The following NME7 variants were observed in gnomAD, a reference collection of about 807,000 sequenced individuals.
NME7 encodes the protein nucleoside diphosphate kinase 7.
In NME7, 41 loss-of-function variants were observed where a neutral mutation model predicts 49.1. The ratio of observed to expected loss-of-function variants is 0.83; its 90% CI spans 0.65 to 1.08. The LOEUF is 1.08. Ranked by LOEUF, NME7 falls within the 50% of genes least tolerant of loss-of-function variation. NME7 has a pLI of 0.00. For missense variants in NME7, 423 were observed against 463.4 expected (o/e 0.91, Z 0.80); for synonymous variants, 139 against 150.6 (o/e 0.92, Z 0.56).
intron 1 of NME7, among the ~76,000 whole-genome samples, chr1:169,349,355 G>C (rs977133681): frequency 1.3e-5 from 2 of 151,914 alleles, no homozygotes; most frequent in African/African-American, 4.8e-5. Flanking sequence ...AATCTGGGGT[G>C]GGGGGGTTAT....
rs1278243618 is a variant in NME7, at chr1:169,304,852, C to CA, written c.390-1658dup. ...TCTAGAGGGTAAAGAGAAAAACTCA[C>CA]AAAAAAAGAGATACGTATATACTGC... On this transcript the variant is annotated intron_variant, in intron 4 of 11. Transcript: ENST00000367811. Among the ~76,000 whole-genome samples, 3 of 151,674 alleles carry CA rather than the reference C, an allele frequency of 2.0e-5. No homozygotes were observed. In the East Asian group the frequency reaches 5.8e-4, roughly 29 times the overall value.
At chr1:169,202,404 G>A (rs1660576133) in intron 10 of NME7, among the ~76,000 whole-genome samples, 1 of 152,132 alleles carries the variant, frequency 6.6e-6, no homozygotes, top group Non-Finnish European at 1.5e-5. Flanking sequence ...GCCTGCTCTT[G>A]CTTTGCCTTT....
intron 8 of NME7, among the ~76,000 whole-genome samples, chr1:169,235,948 T>TA (rs1286134647): frequency 4.3e-5 from 6 of 137,958 alleles, no homozygotes; most frequent in Non-Finnish European, 1.0e-4. Context: ...CTTATTTTTT[T>TA]TAAAAAGTAG....
chr1:169,365,646 C>T (rs772070406), intron 1 of NME7, among the ~76,000 whole-genome samples: 1 of 152,038 alleles, frequency 6.6e-6, no homozygotes, highest in African/African-American at 2.4e-5. Context: ...CCATTCTAGA[C>T]ATTTTACTGT....
chr1:169,317,618 T>C (rs953571490), intron 3 of NME7, among the ~76,000 whole-genome samples: 3 of 152,146 alleles, frequency 2.0e-5, no homozygotes, highest in African/African-American at 7.2e-5. Flanking sequence ...CCACTGGTCC[T>C]AGGACAATAT....
At chr1:169,181,363 CTACA>C (rs1319838002) in intron 10 of NME7, among the ~76,000 whole-genome samples, 1 of 101,802 alleles carries the variant, frequency 9.8e-6, no homozygotes, top group African/African-American at 3.8e-5. Flanking sequence ...CCTCAAATTC[CTACA>C]CACACACACA....
At chr1:169,157,618 C>G (rs3766055) in intron 11 of NME7, among the ~76,000 whole-genome samples, 60,048 of 152,078 alleles carry the variant, frequency 0.39, 12,214 homozygotes, top group East Asian at 0.73. Context: ...GCTCCTTCCA[C>G]AGAAGCCACA....
At chr1:169,177,541 C>T (rs571594941) in intron 10 of NME7, among the ~76,000 whole-genome samples, 52 of 152,212 alleles carry the variant, frequency 3.4e-4, no homozygotes, top group Admixed American at 2.0e-3. Flanking sequence ...AACCCCAGCA[C>T]TTTGGGAGGC....
chr1:169,298,536 A>C lies in NME7; in HGVS notation c.648+20T>G. 1 of 1,607,906 alleles carries C rather than the reference A, an allele frequency of 6.2e-7. No homozygotes were observed. Among genetic ancestry groups the C allele is most frequent in the Non-Finnish European group, 8.5e-7 (1 of 1,177,372 alleles). On this transcript the variant is annotated intron_variant, in intron 6 of 11. Coordinates refer to ENST00000367811, the MANE Select transcript of NME7 (RefSeq NM_013330.5). Reference sequence around the variant, plus strand: ...TTAACAGAACTAGAAGAGCATTAAAATATTTTTAAAACACCTTACTCTGGC... The same window carrying C: ...TTAACAGAACTAGAAGAGCATTAAACTATTTTTAAAACACCTTACTCTGGC...
chr1:169,185,782 A>G (rs1260885671), intron 10 of NME7, among the ~76,000 whole-genome samples: 1 of 152,184 alleles, frequency 6.6e-6, no homozygotes, highest in East Asian at 1.9e-4. Context: ...TGCCAAGTAC[A>G]TAATAGGTGT....
At chr1:169,275,156 G>A (rs538959727) in intron 7 of NME7, among the ~76,000 whole-genome samples, 1 of 131,826 alleles carries the variant, frequency 7.6e-6, no homozygotes, top group East Asian at 2.0e-4. Context: ...GCAATGGTTT[G>A]TAGTTCTCCT....
intron 1 of NME7, among the ~76,000 whole-genome samples, chr1:169,363,221 G>A (rs918099476): frequency 1.3e-5 from 2 of 151,896 alleles, no homozygotes; most frequent in Non-Finnish European, 2.9e-5. Context: ...CTGGGTGACA[G>A]GGCAATATCC....
intron 10 of NME7, among the ~76,000 whole-genome samples, chr1:169,223,354 G>T (rs969641160): frequency 1.3e-5 from 2 of 150,036 alleles, no homozygotes; most frequent in African/African-American, 4.9e-5. Flanking sequence ...AATGTTAAGG[G>T]TTTTTTTTTA....
intron 7 of NME7, among the ~76,000 whole-genome samples, chr1:169,241,132 G>C (rs988425630): frequency 5.9e-5 from 9 of 152,046 alleles, no homozygotes; most frequent in African/African-American, 2.2e-4. Flanking sequence ...GGAGCTTTAT[G>C]TGTACTTCAC....
chr1:169,177,594 G>A (rs763811788), intron 10 of NME7, among the ~76,000 whole-genome samples: 7 of 152,002 alleles, frequency 4.6e-5, no homozygotes, highest in Admixed American at 1.3e-4. Flanking sequence ...CAAGATCATC[G>A]TGGCCAACAC....
In NME7 at chr1:169,319,931, T is replaced by C. The variant is rs918748372; in HGVS notation, c.278+3186A>G. Among the ~76,000 whole-genome samples the C allele has an allele frequency of 2.6e-5, 4 of 152,338 alleles. No homozygotes were observed. The East Asian group carries it at 5.8e-4, about 22-fold the overall frequency. On this transcript the variant is annotated intron_variant, in intron 3 of 11. Coordinates refer to ENST00000367811, the MANE Select transcript of NME7 (RefSeq NM_013330.5). ...TGGATTTTTAAATAGGATACTAGCA[T>C]TATTTTTCATTGATTTTTATAAACT...
intron 10 of NME7, among the ~76,000 whole-genome samples, chr1:169,202,526 C>T (rs906610334): frequency 1.3e-5 from 2 of 152,130 alleles, no homozygotes; most frequent in Non-Finnish European, 2.9e-5. Context: ...GTAAGAACAG[C>T]CTAACACAGT....
intron 10 of NME7, among the ~76,000 whole-genome samples, chr1:169,212,697 G>A (rs1323249171): frequency 6.6e-6 from 1 of 151,292 alleles, no homozygotes; most frequent in Non-Finnish European, 1.5e-5. Context: ...TAAGTCCTGG[G>A]CTCAAGTGAT....
At chr1:169,144,940 T>G (rs1345248075) in intron 11 of NME7, among the ~76,000 whole-genome samples, 1 of 152,166 alleles carries the variant, frequency 6.6e-6, no homozygotes, top group Non-Finnish European at 1.5e-5. Flanking sequence ...ACTAGAACAA[T>G]GAATTCTTTA....
Sources: allele counts gnomAD v4.1 joint callset (sites outside exome capture counted in the v4.1 genomes callset), GRCh38; gene constraint gnomAD v4.1.1; transcripts MANE v1.5; gene names NCBI Gene and HGNC (gene_info 2026-07-23, HGNC 2026-07-21).